The following DTD1 variants were observed in gnomAD, a reference collection of about 807,000 sequenced individuals.
DTD1 encodes D-aminoacyl-tRNA deacylase 1.
Under a neutral mutation model 25.6 loss-of-function variants are expected in DTD1, and 13 were observed. The observed-to-expected ratio is 0.51, with a 90% confidence interval of 0.33 to 0.81. The LOEUF (loss-of-function observed/expected upper bound fraction) is 0.81. Among genes scored for constraint, DTD1 ranks in the 30% least tolerant of loss-of-function variants. DTD1 has a pLI of 0.02. For synonymous variants in DTD1, 110 were observed against 103.6 expected, an observed-to-expected ratio of 1.06 and a Z score of -0.37; for missense variants, 193 against 266.4, an observed-to-expected ratio of 0.72 and a Z score of 1.92.
chr20:18,683,720 C>T (rs1203194819), intron 4 of DTD1, among the ~76,000 whole-genome samples: 3 of 152,180 alleles, frequency 2.0e-5, no homozygotes, highest in African/African-American at 7.2e-5. Context: ...CAACTGTGAC[C>T]TTCTTTGGGG....
chr20:18,717,524 C>G (rs2061185942), intron 4 of DTD1, among the ~76,000 whole-genome samples: 1 of 152,088 alleles, frequency 6.6e-6, no homozygotes, highest in Admixed American at 6.5e-5. Context: ...TCGTGACATA[C>G]CTAACTTTTT....
At chr20:18,601,434 G>A (rs938091954) in intron 3 of DTD1, among the ~76,000 whole-genome samples, 1 of 151,394 alleles carries the variant, frequency 6.6e-6, no homozygotes, top group African/African-American at 2.4e-5. Context: ...GGGAGGCGCA[G>A]GTTGCAGTGA....
At chr20:18,729,965 C>G (rs1386132198) in intron 4 of DTD1, among the ~76,000 whole-genome samples, 1 of 151,956 alleles carries the variant, frequency 6.6e-6, no homozygotes, top group East Asian at 1.9e-4. Context: ...CCAGTGCTGT[C>G]CTTTTGCTTG....
At chr20:18,613,391 C>G (rs899920870) in intron 3 of DTD1, among the ~76,000 whole-genome samples, 2 of 152,166 alleles carry the variant, frequency 1.3e-5, no homozygotes, top group African/African-American at 4.8e-5. Flanking sequence ...GTTGCTAAAA[C>G]TCTCAGGGCT....
intron 4 of DTD1, among the ~76,000 whole-genome samples, chr20:18,657,322 A>G (rs2060894780): frequency 6.6e-6 from 1 of 152,164 alleles, no homozygotes; most frequent in South Asian, 2.1e-4. Flanking sequence ...TCTGTTGGCA[A>G]CATGCTGAAA....
intron 4 of DTD1, among the ~76,000 whole-genome samples, chr20:18,656,001 C>A (rs925411353): frequency 3.3e-5 from 5 of 152,240 alleles, no homozygotes; most frequent in African/African-American, 1.2e-4. Context: ...GAACTCCCGA[C>A]CTCAGATGGT....
At chr20:18,597,878 G>A (rs36014725) in intron 3 of DTD1, among the ~76,000 whole-genome samples, 1,773 of 152,210 alleles carry the variant, frequency 0.012, 24 homozygotes, top group Non-Finnish European at 0.016. Flanking sequence ...TGTGTTAGTG[G>A]AACATAGTCA....
intron 3 of DTD1, among the ~76,000 whole-genome samples, chr20:18,602,055 T>G (rs1333224972): frequency 2.2e-5 from 2 of 92,720 alleles, no homozygotes; most frequent in Non-Finnish European, 4.9e-5. Flanking sequence ...ATAACTAGAA[T>G]AACCAATACA....
At chr20:18,701,888 C>T (rs1301662815) in intron 4 of DTD1, among the ~76,000 whole-genome samples, 1 of 152,180 alleles carries the variant, frequency 6.6e-6, no homozygotes, top group East Asian at 1.9e-4. Flanking sequence ...GCTGATGATT[C>T]TGAATAGGAA....
intron 4 of DTD1, among the ~76,000 whole-genome samples, chr20:18,672,657 C>T: frequency 6.6e-6 from 1 of 152,176 alleles, no homozygotes; most frequent in East Asian, 1.9e-4. Flanking sequence ...ATGGGTCTTA[C>T]ATTCTTTTAT....
At chr20:18,646,045 G>A (rs1312642888) in intron 4 of DTD1, among the ~76,000 whole-genome samples, 2 of 152,170 alleles carry the variant, frequency 1.3e-5, no homozygotes, top group Non-Finnish European at 2.9e-5. Flanking sequence ...AGATAGTGGA[G>A]GCCTGTTGTT....
At chr20:18,684,164 G>C (rs1486539809) in intron 4 of DTD1, among the ~76,000 whole-genome samples, 1 of 152,068 alleles carries the variant, frequency 6.6e-6, no homozygotes, top group Non-Finnish European at 1.5e-5. Flanking sequence ...TTCCTGTCTG[G>C]AAAGATCCAC....
intron 4 of DTD1, among the ~76,000 whole-genome samples, chr20:18,707,584 G>T (rs1042537523): frequency 6.6e-6 from 1 of 152,162 alleles, no homozygotes; most frequent in Non-Finnish European, 1.5e-5. Flanking sequence ...AGGGTGAGTG[G>T]CTCTTTTCAA....
chr20:18,712,547 A>G (rs2061163479), intron 4 of DTD1, among the ~76,000 whole-genome samples: 1 of 152,188 alleles, frequency 6.6e-6, no homozygotes, highest in South Asian at 2.1e-4. Flanking sequence ...ATAAGTCAGC[A>G]TGGACCTCGA....
At chr20:18,758,354 T>C (rs1485535728) in intron 5 of DTD1, among the ~76,000 whole-genome samples, 2 of 152,222 alleles carry the variant, frequency 1.3e-5, no homozygotes, top group Non-Finnish European at 2.9e-5. Context: ...GTTCTTTTAA[T>C]TGTGATGTTA....
intron 4 of DTD1, among the ~76,000 whole-genome samples, chr20:18,714,634 C>CA (rs1437848535): frequency 6.6e-6 from 1 of 152,120 alleles, no homozygotes; most frequent in Admixed American, 6.5e-5. Context: ...TGCTTGGAAC[C>CA]AGGGTCAAGG....
intron 4 of DTD1, among the ~76,000 whole-genome samples, chr20:18,687,509 A>G (rs1014236552): frequency 2.0e-5 from 3 of 152,178 alleles, no homozygotes; most frequent in African/African-American, 7.2e-5. Context: ...GGAGGTATTT[A>G]TAGTGTATTA....
At chr20:18,623,882 G>T (rs1247082208) in intron 3 of DTD1, among the ~76,000 whole-genome samples, 1 of 151,218 alleles carries the variant, frequency 6.6e-6, no homozygotes, top group African/African-American at 2.4e-5. Flanking sequence ...AACTGTGTGT[G>T]TGTGTGTGTG....
At chr20:18,715,608 T>C (rs1490462844) in intron 4 of DTD1, among the ~76,000 whole-genome samples, 1 of 152,208 alleles carries the variant, frequency 6.6e-6, no homozygotes, top group Non-Finnish European at 1.5e-5. Flanking sequence ...ATTTCTATTC[T>C]GGTGGGGTAA....
Sources: allele counts gnomAD v4.1 joint callset (sites outside exome capture counted in the v4.1 genomes callset), GRCh38; gene constraint gnomAD v4.1.1; transcripts MANE v1.5; gene names NCBI Gene and HGNC (gene_info 2026-07-23, HGNC 2026-07-21).